CACNA1C: variants seen among roughly 807,000 people sequenced by gnomAD.
CACNA1C encodes the protein calcium voltage-gated channel subunit alpha1 C, also known as voltage-dependent L-type calcium channel subunit alpha-1C.
Under a neutral mutation model 229.0 loss-of-function variants are expected in CACNA1C, and 30 were observed. That is an observed-to-expected ratio of 0.13 (90% CI 0.10 to 0.18). CACNA1C has a LOEUF of 0.18. Ranked by LOEUF, CACNA1C falls within the 10% of genes least tolerant of loss-of-function variation. The probability of loss-of-function intolerance (pLI) is 1.00; values close to 1 mark genes in which losing one functional copy is unlikely to be tolerated. For missense variants in CACNA1C, 1,658 were observed against 2,845.0 expected (o/e 0.58, Z 9.49); for synonymous variants, 1,114 against 1,132.5 (o/e 0.98, Z 0.33).
chr12:2,178,348 G>A (rs796463974), intron 3 of CACNA1C, among the ~76,000 whole-genome samples: 2 of 152,314 alleles, frequency 1.3e-5, no homozygotes, highest in African/African-American at 4.8e-5. Context: ...TCTTCAAGGG[G>A]CCATGCACTA....
At chr12:2,500,741 A>G (rs2099757650) in intron 7 of CACNA1C, among the ~76,000 whole-genome samples, 1 of 152,202 alleles carries the variant, frequency 6.6e-6, no homozygotes, top group Non-Finnish European at 1.5e-5. Context: ...GGGGTCGAAC[A>G]GAACAGACCA....
chr12:1,982,063 G>A (rs1423765933), intron 1 of CACNA1C, among the ~76,000 whole-genome samples: 1 of 152,128 alleles, frequency 6.6e-6, no homozygotes, highest in African/African-American at 2.4e-5. Context: ...ATTTTGAGAA[G>A]GAAAGCAAAT....
intron 7 of CACNA1C, among the ~76,000 whole-genome samples, chr12:2,500,532 C>T (rs1019137131): frequency 1.3e-5 from 2 of 152,192 alleles, no homozygotes; most frequent in African/African-American, 2.4e-5. Flanking sequence ...CCAACTCCCA[C>T]TCGCCATCTG....
intron 1 of CACNA1C, among the ~76,000 whole-genome samples, chr12:1,999,711 G>C (rs993753987): frequency 1.3e-5 from 2 of 152,148 alleles, no homozygotes; most frequent in Non-Finnish European, 2.9e-5. Flanking sequence ...GGGCAACAGA[G>C]GGAGACCCTG....
chr12:2,238,330 C>T (rs1445643625), intron 3 of CACNA1C, among the ~76,000 whole-genome samples: 3 of 152,214 alleles, frequency 2.0e-5, no homozygotes, highest in Non-Finnish European at 4.4e-5. Flanking sequence ...CAAAGATAAG[C>T]TTTCACTTAA....
intron 29 of CACNA1C, among the ~76,000 whole-genome samples, chr12:2,617,752 T>C (rs1313530069): frequency 6.6e-6 from 1 of 152,178 alleles, no homozygotes; most frequent in African/African-American, 2.4e-5. Flanking sequence ...TTCACTGGGC[T>C]TGTGTCGAAA....
intron 3 of CACNA1C, among the ~76,000 whole-genome samples, chr12:2,328,508 G>T (rs956025782): frequency 2.6e-5 from 4 of 152,210 alleles, no homozygotes; most frequent in Middle Eastern, 3.2e-3. Context: ...ATGCAGCCCT[G>T]ATTGTCTGCT....
intron 3 of CACNA1C, among the ~76,000 whole-genome samples, chr12:2,173,646 C>T (rs999470798): frequency 1.3e-5 from 2 of 152,068 alleles, no homozygotes; most frequent in Non-Finnish European, 2.9e-5. Context: ...CCTTTCTCCC[C>T]GCCTGAGCCT....
At chr12:2,519,585 C>T (rs555584499) in intron 9 of CACNA1C, among the ~76,000 whole-genome samples, 107 of 152,294 alleles carry the variant, frequency 7.0e-4, no homozygotes, top group African/African-American at 2.5e-3. Context: ...TGGACAGTGG[C>T]GATGACAGGG....
intron 1 of CACNA1C, among the ~76,000 whole-genome samples, chr12:1,976,268 T>G (rs1304959921): frequency 1.3e-5 from 2 of 152,190 alleles, no homozygotes; most frequent in Non-Finnish European, 2.9e-5. Context: ...TAAGCAATGG[T>G]GCATAATAAA....
In CACNA1C at chr12:2,108,344, T is replaced by C. The variant is rs2080091046; in HGVS notation, c.50-6880T>C. Among the ~76,000 whole-genome samples the C allele has an allele frequency of 6.6e-6, 1 of 152,142 alleles. No individual in the cohort carries two copies. Among genetic ancestry groups the C allele is most frequent in the African/African-American group, 2.4e-5 (1 of 41,414 alleles). On this transcript the variant is annotated intron_variant, in intron 1 of 46. Transcript: ENST00000399655. This position sits in a 1 kb window ranked among gnomAD's most constrained non-coding sequence, Gnocchi z 5.3. ...GAGGGAACTGCGGTTCGGGTACAATTATGAGGCTGGGGGACCTGGAAGCCA... is the reference window on the plus strand; with the variant it reads ...GAGGGAACTGCGGTTCGGGTACAATCATGAGGCTGGGGGACCTGGAAGCCA...
In CACNA1C at chr12:2,209,364, A is replaced by C. The variant is rs373507346; in HGVS notation, c.477+88934A>C. ...GGGAAGGGGTATGTTCGACGGTTGT[A>C]ATAGTAAGAAACTCACGGGGAGGAG... On this transcript the variant is annotated intron_variant, in intron 3 of 46. Transcript: ENST00000399655. Among the ~76,000 whole-genome samples, 3 of 152,312 alleles carry C rather than the reference A, an allele frequency of 2.0e-5. No homozygotes were observed. In the East Asian group the frequency reaches 5.8e-4, roughly 29 times the overall value.
In CACNA1C at chr12:2,285,283, C is replaced by A. The variant is rs1210626523; in HGVS notation, c.478-163693C>A. Among the ~76,000 whole-genome samples the A allele has an allele frequency of 6.6e-6, 1 of 152,198 alleles. No homozygotes were observed. The highest frequency in any genetic ancestry group is 1.5e-5 in the Non-Finnish European group (1 of 68,034). ...GCATTCAATGTCATCACATTGATAACTTGAAATGGGCAGTAGTGGGAACAT... is the reference window on the plus strand; with the variant it reads ...GCATTCAATGTCATCACATTGATAAATTGAAATGGGCAGTAGTGGGAACAT... On this transcript the variant is annotated intron_variant, in intron 3 of 46. Transcript: ENST00000399655. This position sits in a 1 kb window ranked among gnomAD's most constrained non-coding sequence, Gnocchi z 4.2.
Position 2,034,300 on chromosome 12 carries a change from C to G in CACNA1C, c.139+63099C>G, listed in dbSNP as rs1260301998. On this transcript the variant is annotated intron_variant, in intron 1 of 46. Transcript: ENST00000682462. This position sits in a 1 kb window ranked among gnomAD's most constrained non-coding sequence, Gnocchi z 4.1. ...GCCGTGTTCCTTTTTGTAAGCCTCC[C>G]TGGTGTGTGGAAGGGAGTACACTTT... is the stretch of plus-strand genomic sequence containing the variant. Among the ~76,000 whole-genome samples the G allele has an allele frequency of 1.3e-5, 2 of 152,200 alleles. No individual in the cohort carries two copies. The highest frequency in any genetic ancestry group is 1.3e-4 in the Admixed American group (2 of 15,280).
At chr12:1,989,033 T>C (rs983178889) in intron 1 of CACNA1C, among the ~76,000 whole-genome samples, 1 of 152,254 alleles carries the variant, frequency 6.6e-6, no homozygotes, top group Non-Finnish European at 1.5e-5. Flanking sequence ...AAGAATTTCA[T>C]TGCAATCCTA....
At chr12:2,019,871 T>C (rs1295611163) in intron 1 of CACNA1C, 1 of 152,252 alleles carries the variant, frequency 6.6e-6, no homozygotes, top group African/African-American at 2.4e-5. Context: ...GTTTTTAAAC[T>C]TTCTGCAGGG....
In CACNA1C at chr12:2,677,960, G is replaced by A. The variant is rs2096907748; in HGVS notation, c.5091+93G>A. 7.0e-7 allele frequency: 1 copy of A among 1,438,520 alleles called. No homozygotes were observed. The highest frequency in any genetic ancestry group is 9.6e-7 in the Non-Finnish European group (1 of 1,036,642). 89.1% of individuals were successfully genotyped at this position (1,438,520 alleles called of 1,614,324 possible). A position where few individuals can be genotyped will look rare whatever the true frequency, so the allele number is the denominator to read the frequency against. On this transcript the variant is annotated intron_variant, in intron 41 of 46. Transcript: ENST00000399655. This position sits in a 1 kb window ranked among gnomAD's most constrained non-coding sequence, Gnocchi z 7.4. ...GTTTTGCGGGGAACGTCCAGGGGAA[G>A]GAGCTGCACCAGAGGAAAGGGCTAC...
intron 3 of CACNA1C, among the ~76,000 whole-genome samples, chr12:2,212,336 AG>A (rs1254417962): frequency 6.6e-6 from 1 of 152,232 alleles, no homozygotes; most frequent in African/African-American, 2.4e-5. Flanking sequence ...GGTTGCCGCT[AG>A]CTTCATTCAA....
intron 3 of CACNA1C, among the ~76,000 whole-genome samples, chr12:2,337,492 GT>G (rs967019189): frequency 6.6e-6 from 1 of 152,162 alleles, no homozygotes; most frequent in African/African-American, 2.4e-5. Context: ...TTTCGCTGGT[GT>G]TTAGATGTTC....
Sources: gnomAD v4.1 joint callset for allele counts (sites outside exome capture counted in the v4.1 genomes callset) on GRCh38, gnomAD v4.1.1 for gene constraint, Gnocchi (gnomAD v3.1) non-coding constraint, MANE v1.5 for transcripts, NCBI Gene and HGNC (gene_info 2026-07-23, HGNC 2026-07-21) for gene names.